Variants in STK11IP observed in about 807,000 individuals in gnomAD.
STK11IP encodes serine/threonine kinase 11 interacting protein.
A neutral mutation model predicts 131.7 loss-of-function variants in STK11IP; 103 were observed. That is an observed-to-expected ratio of 0.78 (90% confidence interval 0.67 to 0.92). The LOEUF (loss-of-function observed/expected upper bound fraction) is 0.92, where lower values mean the gene tolerates loss of function less well. Ranked by LOEUF, STK11IP falls within the 40% of genes least tolerant of loss-of-function variation. The pLI is 0.00. For missense variants in STK11IP, 1,315 were observed against 1,385.7 expected, an observed-to-expected ratio of 0.95 and a Z score of 0.81; for synonymous variants, 557 against 575.6, an observed-to-expected ratio of 0.97 and a Z score of 0.46.
intron 12 of STK11IP, 64 bp downstream of exon 12, chr2:219,606,922 C>T (rs1958453540): frequency 3.2e-6 from 5 of 1,586,390 alleles, no homozygotes; most frequent in Admixed American, 3.5e-5. Flanking sequence ...CTCTGGGCTA[C>T]AGTGGGCAGG....
At position 219,613,198 on chromosome 2, in the gene STK11IP, A is replaced by T. The variant is rs764027038; in HGVS notation, c.2510A>T (p.Tyr837Phe). The T allele has an allele frequency of 1.2e-6, 2 of 1,603,250 alleles. No individual in the cohort carries two copies. The highest frequency in any genetic ancestry group is 2.7e-5 in the African/African-American group (2 of 73,892). ...GTGGTTGTGTCTGACCGCAGGCTGT[A>T]CCTGTTGAAGGTGACTGGGGAGATG... ...CLVVVSDRRL[Y>F]LLKVTGEMRE... The change falls in exon 20 of 25, where the codon TAC (tyrosine) becomes TTC (phenylalanine). Residue 837 changes from tyrosine (Y) to phenylalanine (F), a missense_variant. Tyr to Phe is a conservative substitution (Grantham distance 22). Transcript: ENST00000456909.
At chr2:219,599,803 G>A (rs866587959) in intron 2 of STK11IP, among the ~76,000 whole-genome samples, 17 of 150,906 alleles carry the variant, frequency 1.1e-4, no homozygotes, top group East Asian at 3.9e-4. Context: ...GTATGATCTC[G>A]GCTCACTGCA....
At chr2:219,605,301 G>A (rs1029678830) in intron 7 of STK11IP, among the ~76,000 whole-genome samples, 4 of 152,212 alleles carry the variant, frequency 2.6e-5, no homozygotes, top group Non-Finnish European at 4.4e-5. Flanking sequence ...ACTGGGAGAC[G>A]GGGCCCTATC....
At chr2:219,598,210 C>T (rs1163905007) in intron 2 of STK11IP, 30 bp downstream of exon 2, 2 of 1,500,410 alleles carry the variant, frequency 1.3e-6, no homozygotes, top group South Asian at 2.5e-5. Context: ...GGCTGGGCCT[C>T]GGACCTCGGA....
Position 219,613,910 on chromosome 2 carries a change from C to T in STK11IP, c.2696C>T (p.Ala899Val). 1 of 1,607,568 alleles carries T rather than the reference C, an allele frequency of 6.2e-7. No individual in the cohort carries two copies. Among genetic ancestry groups the T allele is most frequent in the African/African-American group, 1.3e-5 (1 of 74,750 alleles). ...CCCCGAGATGCCAGGCATTGCCGGGCCTTCCTAGAGGAGCTCCTTGGTGAG... is the reference window on the plus strand; with the variant it reads ...CCCCGAGATGCCAGGCATTGCCGGGTCTTCCTAGAGGAGCTCCTTGGTGAG... ...LLPRDARHCR[A>V]FLEELLDVLQ... Residue 899 changes from alanine (A) to valine (V), a missense_variant, in exon 21 of 25, where the codon GCC becomes GTC. Coordinates refer to ENST00000456909, the MANE Select transcript of STK11IP (RefSeq NM_052902.4).
At chr2:219,611,155 A>G (rs1428226139) in intron 17 of STK11IP, among the ~76,000 whole-genome samples, 1 of 152,186 alleles carries the variant, frequency 6.6e-6, no homozygotes, top group East Asian at 1.9e-4. Context: ...TGACTTGCCC[A>G]TGATTACAGA....
intron 4 of STK11IP, 45 bp from the exon 5 acceptor site, chr2:219,601,943 C>T: frequency 6.5e-7 from 1 of 1,529,498 alleles, no homozygotes; most frequent in Non-Finnish European, 8.9e-7. Flanking sequence ...AGGTCTTTGT[C>T]TTCTGTGGGG....
At chr2:219,609,237 C>G in intron 16 of STK11IP, 24 bp downstream of exon 16, 2 of 1,580,576 alleles carry the variant, frequency 1.3e-6, no homozygotes, top group South Asian at 2.3e-5. Flanking sequence ...GAGTGGGGGC[C>G]CAGGAGGCTG....
chr2:219,609,366 C>G lies in STK11IP; in HGVS notation c.1930C>G (p.Leu644Val). 1 of 1,613,600 alleles carries G rather than the reference C, an allele frequency of 6.2e-7. No individual in the cohort carries two copies. The highest frequency in any genetic ancestry group is 1.3e-5 in the African/African-American group (1 of 75,058). ...EPDAHAAVQE[L>V]LAVLTPVTNV... ...CCTCTGATCCACCCTCTGTCAGGAG[C>G]TGCTTGCCGTGTTGACCCCAGTCAC... Residue 644 changes from leucine (L) to valine (V), a missense_variant, in exon 17 of 25, where the codon CTG (leucine) becomes GTG (valine). Transcript: ENST00000456909.
Position 219,602,742 on chromosome 2 carries a change from A to G in STK11IP, c.584A>G (p.His195Arg). The part of the protein sequence containing the change: ...LSALRFLNLS[H>R]NQVQDCQGFL... ...GCTCTGCGTTTCTTGAACCTAAGCC[A>G]CAATCAAGTCCAGGACTGTCAGGGA... The change falls in exon 7 of 25, where the codon CAC becomes CGC. Residue 195 changes from histidine to arginine, a missense_variant. His to Arg is a conservative substitution (Grantham distance 29, BLOSUM62 0). Coordinates refer to ENST00000456909, the MANE Select transcript of STK11IP (RefSeq NM_052902.4). 6.2e-7 allele frequency: 1 copy of G among 1,612,854 alleles called. No individual in the cohort carries two copies. Among genetic ancestry groups the G allele is most frequent in the South Asian group, 1.1e-5 (1 of 90,896 alleles).
In STK11IP at chr2:219,608,181, G is replaced by T; in HGVS notation, c.1354G>T (p.Ala452Ser). Reference sequence around the variant, plus strand: ...TCTGCCGGCCACCCCCACTACTTCTGCACCCAGTGCACCTCCAGCCAGCTC... The same window carrying T: ...TCTGCCGGCCACCCCCACTACTTCTTCACCCAGTGCACCTCCAGCCAGCTC... ...NPLPATPTTS[A>S]PSAPPASSQG... is the part of the protein sequence containing the mutation. Residue 452 changes from alanine to serine, a missense_variant, in exon 14 of 25, where the codon GCA (alanine) becomes TCA (serine). Physicochemically the swap from Ala to Ser is moderately conservative, Grantham distance 99. Coordinates refer to ENST00000456909, the MANE Select transcript of STK11IP (RefSeq NM_052902.4). 1 of 1,613,594 alleles carries T rather than the reference G, an allele frequency of 6.2e-7. No individual in the cohort carries two copies. Among genetic ancestry groups the T allele is most frequent in the Non-Finnish European group, 8.5e-7 (1 of 1,179,876 alleles).
At position 219,600,041 on chromosome 2, in the gene STK11IP, G is replaced by GTTT. The variant is rs1203746448; in HGVS notation, c.62-1185_62-1183dup. Among the ~76,000 whole-genome samples the GTTT allele has an allele frequency of 1.4e-4, 13 of 91,966 alleles. 1 individual carries two copies. The highest frequency in any genetic ancestry group is 4.9e-4 in the African/African-American group (12 of 24,530). The allele number at this position is 91,966 out of a possible 152,430, so 60.3% of individuals were successfully genotyped here. On this transcript the variant is annotated intron_variant, in intron 2 of 24. Transcript: ENST00000456909. ...GTGAGCCACCACGCCTGCCCTTTGTGTTTTTTTTTTTGTTTTTGTTTTTTT... is the reference window on the plus strand; with the variant it reads ...GTGAGCCACCACGCCTGCCCTTTGTGTTTTTTTTTTTTTTGTTTTTGTTTTTTT...
chr2:219,606,664 G>A (rs767584511), intron 11 of STK11IP, 48 bp from the exon 12 acceptor site: 16 of 1,595,128 alleles, frequency 1.0e-5, no homozygotes, highest in Non-Finnish European at 8.6e-7. Flanking sequence ...CAAGGCAGAG[G>A]TGCTCCCAGG....
intron 9 of STK11IP, 57 bp downstream of exon 9, chr2:219,606,116 C>G (rs1698146254): frequency 1.3e-6 from 2 of 1,541,900 alleles, no homozygotes; most frequent in South Asian, 1.2e-5. Context: ...CCCCCCCATG[C>G]TGGTTTGGTC....
Position 219,605,942 on chromosome 2 carries a change from T to C in STK11IP, c.746-14T>C. ...CATCCACATGCTCTTCCTTCCTTCT[T>C]GCGTCCACCCCAGGCCTAGAGCAGC... is the stretch of plus-strand genomic sequence containing the variant. On this transcript the variant is annotated splice_polypyrimidine_tract_variant and intron_variant, in intron 8 of 24. Coordinates refer to ENST00000456909, the MANE Select transcript of STK11IP (RefSeq NM_052902.4). The C allele has an allele frequency of 6.3e-7, 1 of 1,587,226 alleles. No homozygotes were observed. Among genetic ancestry groups the C allele is most frequent in the Non-Finnish European group, 8.6e-7 (1 of 1,166,080 alleles).
chr2:219,601,165 A>T (rs142084373), intron 2 of STK11IP, 70 bp from the exon 3 acceptor site: 14 of 1,345,488 alleles, frequency 1.0e-5, no homozygotes, highest in Non-Finnish European at 1.1e-5. Flanking sequence ...TTTTGGCATC[A>T]TAGAGCCTTA....
intron 2 of STK11IP, among the ~76,000 whole-genome samples, chr2:219,600,880 G>A (rs1054414445): frequency 2.0e-5 from 3 of 152,194 alleles, no homozygotes; most frequent in African/African-American, 7.2e-5. Context: ...CAAGCTGGGC[G>A]GTGGAAGGGG....
rs565425414 is a variant in STK11IP, at chr2:219,609,407, A to G, written c.1971A>G (p.Glu657=). Residue 657 remains glutamate (E), a synonymous_variant, in exon 17 of 25, where the codon GAA becomes GAG. Transcript: ENST00000456909. ...CCCCAGTCACCAATGTGGCTCGGGA[A>G]CAGCTTGGGGAGGCCAGGGACCTCC... is the stretch of plus-strand genomic sequence containing the variant. ...VLTPVTNVAR[E]QLGEARDLLL... 1.4e-5 allele frequency: 22 copies of G among 1,613,570 alleles called. No individual in the cohort carries two copies. The highest frequency in any genetic ancestry group is 1.2e-4 in the South Asian group (11 of 90,988).
Position 219,608,599 on chromosome 2 carries a change from C to T in STK11IP, c.1620C>T (p.Pro540=). 2.5e-6 allele frequency: 4 copies of T among 1,599,852 alleles called. No homozygotes were observed. Among genetic ancestry groups the T allele is most frequent in the Non-Finnish European group, 3.4e-6 (4 of 1,171,316 alleles). ...QKEVEAELCR[P]LLVCPLEGPE... is the part of the protein sequence containing the mutation. ...TCTCCACAGCGGAACTCTGTCGCCC[C>T]TTGTTGGTGTGTCCCCTGGAGGGGC... The change falls in exon 15 of 25, where the codon CCC becomes CCT. Residue 540 remains proline (P), a synonymous_variant. Transcript: ENST00000456909.
Sources: allele counts gnomAD v4.1 joint callset (sites outside exome capture counted in the v4.1 genomes callset), GRCh38; gene constraint gnomAD v4.1.1; transcripts MANE v1.5; gene names NCBI Gene and HGNC (gene_info 2026-07-23, HGNC 2026-07-21).